CDYL2: variants seen among roughly 807,000 people sequenced by gnomAD.
CDYL2 encodes chromodomain Y-like protein 2.
Under a neutral mutation model 49.4 loss-of-function variants are expected in CDYL2, and 23 were observed. That is an observed-to-expected ratio of 0.47 (90% CI 0.34 to 0.66). CDYL2 has a LOEUF of 0.66. CDYL2 is among the 30% of genes least tolerant of loss of function. The pLI is 0.01. For synonymous variants in CDYL2, 360 were observed against 268.8 expected (o/e 1.34, Z -3.32); for missense variants, 678 against 656.4 (o/e 1.03, Z -0.36).
chr16:80,753,055 C>T (rs999736854), intron 1 of CDYL2, among the ~76,000 whole-genome samples: 4 of 152,112 alleles, frequency 2.6e-5, no homozygotes, highest in Non-Finnish European at 5.9e-5. Context: ...AATTAAAATG[C>T]ATGACAACAT....
chr16:80,750,880 C>T (rs547115775), intron 1 of CDYL2, among the ~76,000 whole-genome samples: 2 of 152,116 alleles, frequency 1.3e-5, no homozygotes, highest in East Asian at 1.9e-4. Flanking sequence ...ACTAGCCAGG[C>T]GTGGTGGCGG....
chr16:80,742,787 T>C (rs1905790694), intron 1 of CDYL2, among the ~76,000 whole-genome samples: 1 of 139,586 alleles, frequency 7.2e-6, no homozygotes, highest in Non-Finnish European at 1.6e-5. Context: ...GATGGGCAGA[T>C]GGATGGACTG....
chr16:80,803,067 T>C (rs1907975318), intron 1 of CDYL2, among the ~76,000 whole-genome samples: 2 of 152,178 alleles, frequency 1.3e-5, no homozygotes, highest in African/African-American at 4.8e-5. Flanking sequence ...TCTTAACTTC[T>C]TTATCCTGAA....
At chr16:80,665,808 T>C (rs146413808) in intron 2 of CDYL2, among the ~76,000 whole-genome samples, 140 of 152,278 alleles carry the variant, frequency 9.2e-4, no homozygotes, top group African/African-American at 3.3e-3. Flanking sequence ...CTCAAGACTC[T>C]AACTTCCATG....
intron 1 of CDYL2, among the ~76,000 whole-genome samples, chr16:80,774,883 G>C (rs924243067): frequency 1.4e-5 from 2 of 147,594 alleles, no homozygotes; most frequent in African/African-American, 5.1e-5. Context: ...CATAGAAACT[G>C]ACTGAATTTA....
intron 1 of CDYL2, among the ~76,000 whole-genome samples, chr16:80,758,795 G>C (rs894625169): frequency 6.6e-6 from 1 of 151,872 alleles, no homozygotes; most frequent in South Asian, 2.1e-4. Context: ...GCCCGCCTCT[G>C]CCTCCCAAAG....
At chr16:80,704,969 G>C (rs1156970148) in intron 1 of CDYL2, among the ~76,000 whole-genome samples, 1 of 152,210 alleles carries the variant, frequency 6.6e-6, no homozygotes, top group Non-Finnish European at 1.5e-5. Flanking sequence ...CCTGGTCCAG[G>C]CTTGACATGC....
intron 6 of CDYL2, among the ~76,000 whole-genome samples, chr16:80,605,051 A>T (rs1375582771): frequency 6.6e-6 from 1 of 151,848 alleles, no homozygotes; most frequent in Non-Finnish European, 1.5e-5. Flanking sequence ...AATAACACTC[A>T]AGGCTATCAC....
chr16:80,608,043 A>C, intron 6 of CDYL2, 49 bp downstream of exon 6: 2 of 1,517,838 alleles, frequency 1.3e-6, no homozygotes, highest in East Asian at 2.5e-5. Context: ...CTTCATGTGT[A>C]AAATGGGTCT....
intron 1 of CDYL2, among the ~76,000 whole-genome samples, chr16:80,766,699 G>C (rs1906737721): frequency 6.6e-6 from 1 of 152,174 alleles, no homozygotes; most frequent in Non-Finnish European, 1.5e-5. Flanking sequence ...ACTCCAGATA[G>C]ATAGATCATA....
chr16:80,718,853 C>T (rs1428161413), intron 1 of CDYL2, among the ~76,000 whole-genome samples: 2 of 152,082 alleles, frequency 1.3e-5, no homozygotes, highest in Non-Finnish European at 1.5e-5. Context: ...AGCAGGGGAG[C>T]GCCTGGGGTC....
At chr16:80,710,174 G>A (rs1445861887) in intron 1 of CDYL2, among the ~76,000 whole-genome samples, 1 of 152,006 alleles carries the variant, frequency 6.6e-6, no homozygotes, top group Non-Finnish European at 1.5e-5. Context: ...TGATCCTCCC[G>A]CCTCGGCCTC....
intron 2 of CDYL2, among the ~76,000 whole-genome samples, chr16:80,668,410 T>G (rs1909359977): frequency 6.6e-6 from 1 of 151,728 alleles, no homozygotes; most frequent in South Asian, 2.1e-4. Flanking sequence ...ATGGGATAAT[T>G]CCTGTTCATC....
intron 1 of CDYL2, among the ~76,000 whole-genome samples, chr16:80,763,268 G>GGCCACTCAACA (rs1906594708): frequency 2.0e-3 from 2 of 1,006 alleles, no homozygotes; most frequent in African/African-American, 6.7e-3. Context: ...AATCAACTGT[G>GGCCACTCAACA]GCTACTCAAC....
At chr16:80,640,029 G>C (rs1157371296) in intron 2 of CDYL2, among the ~76,000 whole-genome samples, 1 of 152,134 alleles carries the variant, frequency 6.6e-6, no homozygotes. Context: ...AAACCTGAAA[G>C]GTGGTCTAGG....
intron 1 of CDYL2, among the ~76,000 whole-genome samples, chr16:80,788,457 G>C (rs1306475447): frequency 6.6e-6 from 1 of 152,168 alleles, no homozygotes; most frequent in East Asian, 1.9e-4. Flanking sequence ...ACCTGTTTTT[G>C]TGCCATAAGC....
intron 1 of CDYL2, among the ~76,000 whole-genome samples, chr16:80,697,375 A>C (rs1177280125): frequency 2.6e-5 from 4 of 152,192 alleles, no homozygotes; most frequent in African/African-American, 7.2e-5. Context: ...TCAGCATCTC[A>C]TCATGATAAA....
At chr16:80,753,502 G>T (rs570387857) in intron 1 of CDYL2, among the ~76,000 whole-genome samples, 7 of 152,284 alleles carry the variant, frequency 4.6e-5, no homozygotes, top group Admixed American at 4.6e-4. Context: ...CAGCTACTCA[G>T]GAGGCTGAGG....
chr16:80,604,060 A>T lies in CDYL2; in HGVS notation c.*328T>A, dbSNP rs1906218103. ...ACAGCCTGAGTCAGAAGAATGTGAA[A>T]GTGGTCTTCCCCTTCCTGGACCGTC... is the stretch of plus-strand genomic sequence containing the variant. On this transcript the variant is annotated 3_prime_UTR_variant, in exon 7 of 7. Transcript: ENST00000570137. The T allele has an allele frequency of 3.2e-6, 1 of 309,230 alleles. No individual in the cohort carries two copies. The highest frequency in any genetic ancestry group is 6.7e-5 in the East Asian group (1 of 14,938). The allele number at this position is 309,230 out of a possible 1,614,324, so 19.2% of individuals were successfully genotyped here.
Sources: allele counts gnomAD v4.1 joint callset (sites outside exome capture counted in the v4.1 genomes callset), GRCh38; gene constraint gnomAD v4.1.1; transcripts MANE v1.5; gene names NCBI Gene and HGNC (gene_info 2026-07-23, HGNC 2026-07-21).